TMEM233: variants seen among roughly 807,000 people sequenced by gnomAD.
TMEM233 encodes the protein transmembrane protein 233.
Under a neutral mutation model 11.2 loss-of-function variants are expected in TMEM233, and 6 were observed. The observed-to-expected ratio is 0.54, with a 90% CI of 0.29 to 1.06. The LOEUF (loss-of-function observed/expected upper bound fraction) is 1.06, where lower values mean the gene tolerates loss of function less well. Ranked by LOEUF, TMEM233 falls within the 50% of genes least tolerant of loss-of-function variation. The probability of loss-of-function intolerance (pLI) is 0.08; values close to 1 mark genes in which losing one functional copy is unlikely to be tolerated. For missense variants in TMEM233, 127 were observed against 144.7 expected, an observed-to-expected ratio of 0.88 and a Z score of 0.63; for synonymous variants, 59 against 55.8, an observed-to-expected ratio of 1.06 and a Z score of -0.26.
rs1448319922 is a variant in TMEM233 at position 119,618,526 on chromosome 12, G to A, written c.187-11210G>A. ...GGGGCTGTACCCTGCAAAGCCACAG[G>A]GGTGGAGTTGTCCAAGGCCATGGGA... On this transcript the variant is annotated intron_variant, in intron 1 of 2. Coordinates refer to ENST00000426426, the MANE Select transcript of TMEM233 (RefSeq NM_001136534.3). 2.0e-5 allele frequency among the ~76,000 whole-genome samples: 3 copies of A among 152,330 alleles called. No individual in the cohort carries two copies. In the East Asian group the frequency reaches 5.8e-4, roughly 29 times the overall value.
At chr12:119,598,412 C>CAATA (rs1374872920) in intron 1 of TMEM233, among the ~76,000 whole-genome samples, 1 of 152,212 alleles carries the variant, frequency 6.6e-6, no homozygotes, top group African/African-American at 2.4e-5. Flanking sequence ...TATGGATACA[C>CAATA]AATAACCAAT....
chr12:119,607,812 C>T (rs1704172395), intron 1 of TMEM233, among the ~76,000 whole-genome samples: 2 of 151,982 alleles, frequency 1.3e-5, no homozygotes, highest in African/African-American at 4.8e-5. Context: ...CTCCAAACTC[C>T]TGAGCTCAGG....
At position 119,594,049 on chromosome 12, in the gene TMEM233, G is replaced by A. The variant is rs1410517097; in HGVS notation, c.186+15G>A. The A allele has an allele frequency of 6.4e-7, 1 of 1,550,686 alleles. No homozygotes were observed. Among genetic ancestry groups the A allele is most frequent in the African/African-American group, 1.4e-5 (1 of 73,154 alleles). On this transcript the variant is annotated intron_variant, in intron 1 of 2. Coordinates refer to ENST00000426426, the MANE Select transcript of TMEM233 (RefSeq NM_001136534.3). This position sits in a 1 kb window ranked among gnomAD's most constrained non-coding sequence, Gnocchi z 5.6. ...TTTCCATCATGGTGAGTGAATCACG[G>A]CCAGAGGCAGCCTGGGAGGAGAGAC...
At chr12:119,645,320 CAAAAA>C (rs3078450), downstream of TMEM233, among the ~76,000 whole-genome samples, 22 of 74,798 alleles carry the variant, frequency 2.9e-4, 1 homozygote, top group African/African-American at 1.0e-3. Flanking sequence ...CACCAATTAC[CAAAAA>C]AAAAAAAAAA....
intron 1 of TMEM233, among the ~76,000 whole-genome samples, chr12:119,601,499 G>A (rs1488620596): frequency 4.0e-5 from 6 of 151,294 alleles, no homozygotes; most frequent in Admixed American, 1.3e-4. Context: ...TACTAAAAAT[G>A]CAAAAAAAAT....
rs1470640751 is a variant in TMEM233, at chr12:119,595,208, G to C, written c.186+1174G>C. Among the ~76,000 whole-genome samples the C allele has an allele frequency of 6.6e-6, 1 of 152,206 alleles. No individual in the cohort carries two copies. The highest frequency in any genetic ancestry group is 2.4e-5 in the African/African-American group (1 of 41,450). ...GGCCCGGGGGTGGCGGCGGGGTGAGGTTCGTACCGGCACTGTCCCGGGACA... is the reference window on the plus strand; with the variant it reads ...GGCCCGGGGGTGGCGGCGGGGTGAGCTTCGTACCGGCACTGTCCCGGGACA... On this transcript the variant is annotated intron_variant, in intron 1 of 2. Coordinates refer to ENST00000426426, the MANE Select transcript of TMEM233 (RefSeq NM_001136534.3). This position sits in a 1 kb window ranked among gnomAD's most constrained non-coding sequence, Gnocchi z 4.3.
intron 2 of TMEM233, among the ~76,000 whole-genome samples, chr12:119,639,499 G>A (rs1399561426): frequency 6.6e-6 from 1 of 151,924 alleles, no homozygotes; most frequent in Non-Finnish European, 1.5e-5. Context: ...GCAGGCGCCT[G>A]TAGTCCCAGC....
At chr12:119,645,219 G>A (rs1020349933), downstream of TMEM233, among the ~76,000 whole-genome samples, 3 of 148,286 alleles carry the variant, frequency 2.0e-5, no homozygotes, top group Middle Eastern at 7.3e-3. Flanking sequence ...GCCTACAGCA[G>A]GACAGCTGCA....
chr12:119,627,143 C>T (rs1954781965), intron 1 of TMEM233, among the ~76,000 whole-genome samples: 1 of 152,190 alleles, frequency 6.6e-6, no homozygotes, highest in Non-Finnish European at 1.5e-5. Context: ...GGAATGACAG[C>T]CGTGGCTTGG....
downstream of TMEM233, among the ~76,000 whole-genome samples, chr12:119,646,247 C>T (rs1378591540): frequency 3.3e-5 from 5 of 152,036 alleles, no homozygotes; most frequent in South Asian, 2.1e-4. Context: ...TTAGTAGAGA[C>T]GGAGTTTTGC....
At chr12:119,604,849 G>A (rs528828147) in intron 1 of TMEM233, among the ~76,000 whole-genome samples, 5 of 152,062 alleles carry the variant, frequency 3.3e-5, no homozygotes, top group African/African-American at 7.2e-5. Context: ...GCCCAAGCTC[G>A]TCTCAAACTC....
rs1955081403 is a variant in TMEM233 at position 119,641,383 on chromosome 12, A to T, written c.*678A>T. Reference sequence around the variant, plus strand: ...CGTTGGTCAACTTGACCAAAACCTCACTCTTCACTCAAACAGGCTCTGAGA... The same window carrying T: ...CGTTGGTCAACTTGACCAAAACCTCTCTCTTCACTCAAACAGGCTCTGAGA... On this transcript the variant is annotated 3_prime_UTR_variant, in exon 3 of 3. Coordinates refer to ENST00000426426, the MANE Select transcript of TMEM233 (RefSeq NM_001136534.3). 6.6e-6 allele frequency: 1 copy of T among 151,302 alleles called. No homozygotes were observed. The highest frequency in any genetic ancestry group is 2.4e-5 in the African/African-American group (1 of 41,072). 9.4% of individuals were successfully genotyped at this position (151,302 alleles called of 1,614,324 possible).
Position 119,626,563 on chromosome 12 carries a change from AGAG to A in TMEM233, c.187-3172_187-3170del, listed in dbSNP as rs1276614050. 4.3e-3 allele frequency among the ~76,000 whole-genome samples: 615 copies of A among 144,422 alleles called. 19 individuals carry two copies. Among genetic ancestry groups the A allele is most frequent in the African/African-American group, 0.016 (581 of 37,072 alleles). 94.7% of individuals were successfully genotyped at this position (144,422 alleles called of 152,430 possible). On this transcript the variant is annotated intron_variant, in intron 1 of 2. Coordinates refer to ENST00000426426, the MANE Select transcript of TMEM233 (RefSeq NM_001136534.3). ...GGAGAAGAGAAGAGAAGAGAAGAGA[AGAG>A]AAGAGAAGAGAAGAGAAGAGAAGAG...
intron 2 of TMEM233, among the ~76,000 whole-genome samples, chr12:119,637,474 T>C (rs545696023): frequency 6.6e-6 from 1 of 152,318 alleles, no homozygotes; most frequent in South Asian, 2.1e-4. Flanking sequence ...CCTTTCCTGG[T>C]CTCAAAATAT....
At position 119,594,747 on chromosome 12, in the gene TMEM233, G is replaced by A. The variant is rs1163480717; in HGVS notation, c.186+713G>A. 6.6e-6 allele frequency among the ~76,000 whole-genome samples: 1 copy of A among 152,132 alleles called. No individual in the cohort carries two copies. The highest frequency in any genetic ancestry group is 1.5e-5 in the Non-Finnish European group (1 of 68,024). ...CCCCCTTTTTAACGCGCCCGAGGCTGGCTCACACCCACTACCTCTTTAGGC... is the reference window on the plus strand; with the variant it reads ...CCCCCTTTTTAACGCGCCCGAGGCTAGCTCACACCCACTACCTCTTTAGGC... On this transcript the variant is annotated intron_variant, in intron 1 of 2. Coordinates refer to ENST00000426426, the MANE Select transcript of TMEM233 (RefSeq NM_001136534.3). The surrounding 1 kb of genome is among the most constrained non-coding windows in gnomAD (Gnocchi z 5.6).
intron 1 of TMEM233, among the ~76,000 whole-genome samples, chr12:119,621,363 G>A (rs1460052538): frequency 3.3e-5 from 5 of 152,114 alleles, no homozygotes; most frequent in African/African-American, 1.2e-4. Flanking sequence ...AAAATTTTTT[G>A]TAGAGACAAG....
At chr12:119,612,651 C>T (rs1045149132) in intron 1 of TMEM233, among the ~76,000 whole-genome samples, 2 of 150,968 alleles carry the variant, frequency 1.3e-5, no homozygotes, top group African/African-American at 4.9e-5. Context: ...ACTTGGGAGG[C>T]TGAGGCGGGA....
At chr12:119,596,595 G>A (rs1954053498) in intron 1 of TMEM233, among the ~76,000 whole-genome samples, 1 of 147,152 alleles carries the variant, frequency 6.8e-6, no homozygotes, top group Non-Finnish European at 1.5e-5. Flanking sequence ...GGGTTCAAGC[G>A]ATCCTTCCAC....
At chr12:119,598,474 C>T (rs1452325705) in intron 1 of TMEM233, among the ~76,000 whole-genome samples, 1 of 152,210 alleles carries the variant, frequency 6.6e-6, no homozygotes, top group African/African-American at 2.4e-5. Context: ...CTGTCTCACA[C>T]CTACCAATAG....
Sources: allele counts gnomAD v4.1 joint callset (sites outside exome capture counted in the v4.1 genomes callset), GRCh38; gene constraint gnomAD v4.1.1; non-coding constraint Gnocchi (gnomAD v3.1); transcripts MANE v1.5; gene names NCBI Gene and HGNC (gene_info 2026-07-23, HGNC 2026-07-21).